Variants in ISLR2 observed in about 807,000 individuals in gnomAD.
ISLR2 encodes immunoglobulin superfamily containing leucine rich repeat 2.
ISLR2 carries 16 observed loss-of-function variants against 25.5 expected under a neutral mutation model. The ratio of observed to expected loss-of-function variants is 0.63; its 90% CI spans 0.43 to 0.95. The LOEUF (loss-of-function observed/expected upper bound fraction) is 0.95. ISLR2 is among the 40% of genes least tolerant of loss of function. ISLR2 has a pLI of 0.00. For missense variants in ISLR2, 883 were observed against 1,030.7 expected (o/e 0.86, Z 1.96); for synonymous variants, 508 against 486.6 (o/e 1.04, Z -0.58).
intron 2 of ISLR2, among the ~76,000 whole-genome samples, chr15:74,105,669 G>A (rs2072113939): frequency 6.6e-6 from 1 of 150,528 alleles, no homozygotes; most frequent in Non-Finnish European, 1.5e-5. Flanking sequence ...ACATCTCTTG[G>A]GCATGGCATG....
upstream of ISLR2, chr15:74,129,783 G>T: frequency 6.6e-6 from 1 of 152,092 alleles, no homozygotes. The surrounding 1 kb of genome is among the most constrained non-coding windows in gnomAD (Gnocchi z 4.5). Flanking sequence ...AGTGCGTGTG[G>T]GGTTGACCGT....
At position 74,134,469 on chromosome 15, in the gene ISLR2, G is replaced by C. The variant is rs752890049; in HGVS notation, c.1715G>C (p.Gly572Ala). 14 of 1,611,306 alleles carry C rather than the reference G, an allele frequency of 8.7e-6. No individual in the cohort carries two copies. Among genetic ancestry groups the C allele is most frequent in the Non-Finnish European group, 8.5e-6 (10 of 1,179,520 alleles). Reference protein sequence around the residue: ...TNYSVCLALAGEACHVQVVFS... With the variant: ...TNYSVCLALAAEACHVQVVFS... ...TACTCCGTGTGCCTGGCGCTGGCGG[G>C]CGAAGCCTGCCACGTGCAAGTGGTG... The change falls in exon 3 of 3, where the codon GGC becomes GCC. Residue 572 changes from glycine to alanine, a missense_variant. Around this residue, in one of 2 missense-constraint regions of ISLR2, gnomAD observed 612 missense variants for 642.8 expected, o/e 0.95. Transcript: ENST00000453268.
At chr15:74,119,034 A>G (rs2072232614) in intron 2 of ISLR2, among the ~76,000 whole-genome samples, 1 of 152,142 alleles carries the variant, frequency 6.6e-6, no homozygotes, top group South Asian at 2.1e-4. Context: ...CATATGTACA[A>G]TGTGTAATGA....
At chr15:74,127,599 C>G (rs976682413), upstream of ISLR2, 2 of 152,330 alleles carry the variant, frequency 1.3e-5, no homozygotes, top group African/African-American at 4.8e-5. Context: ...GACTGCAGAG[C>G]CGTGAGCAGC....
intron 2 of ISLR2, among the ~76,000 whole-genome samples, chr15:74,123,007 G>A (rs1013566168): frequency 6.6e-6 from 1 of 152,220 alleles, no homozygotes; most frequent in Non-Finnish European, 1.5e-5. Flanking sequence ...AGAGCAGGAA[G>A]GGGTGGCAGC....
downstream of ISLR2, chr15:74,138,655 A>G (rs186493847): frequency 3.9e-5 from 6 of 152,348 alleles, no homozygotes; most frequent in East Asian, 1.2e-3. Context: ...GGGCCAACCA[A>G]GAACTGTCAA....
In ISLR2 at chr15:74,132,616, G is replaced by A. The variant is rs2072447553; in HGVS notation, c.-8-131G>A. 4 of 1,265,772 alleles carry A rather than the reference G, an allele frequency of 3.2e-6. No homozygotes were observed. The African/African-American group carries it at 6.0e-5, about 19-fold the overall frequency. The allele number at this position is 1,265,772 out of a possible 1,614,324, so 78.4% of individuals were successfully genotyped here. A position where few individuals can be genotyped will look rare whatever the true frequency, so the allele number is the denominator to read the frequency against. On this transcript the variant is annotated intron_variant, in intron 2 of 2. Coordinates refer to ENST00000453268, the MANE Select transcript of ISLR2 (RefSeq NM_020851.3). This position sits in a 1 kb window ranked among gnomAD's most constrained non-coding sequence, Gnocchi z 4.3. ...TGACCTTCACTTCAGAGAGGCTCCTGGCCATAGAGGAGGTTACCGGAGCCC... is the reference window on the plus strand; with the variant it reads ...TGACCTTCACTTCAGAGAGGCTCCTAGCCATAGAGGAGGTTACCGGAGCCC...
downstream of ISLR2, among the ~76,000 whole-genome samples, chr15:74,138,048 C>T (rs1356142043): frequency 6.6e-6 from 1 of 152,018 alleles, no homozygotes; most frequent in African/African-American, 2.4e-5. Context: ...GGTGAATTCA[C>T]ATAATGCTTT....
At chr15:74,117,752 G>A (rs976069553) in intron 2 of ISLR2, among the ~76,000 whole-genome samples, 1 of 152,214 alleles carries the variant, frequency 6.6e-6, no homozygotes, top group South Asian at 2.1e-4. Context: ...AATGCCATCA[G>A]TTTGTAGCTA....
intron 2 of ISLR2, among the ~76,000 whole-genome samples, chr15:74,107,389 C>G (rs559951433): frequency 6.6e-6 from 1 of 152,304 alleles, no homozygotes; most frequent in East Asian, 1.9e-4. Context: ...GCAGGCTGGC[C>G]CAGTGTGGGT....
chr15:74,117,698 AG>A (rs1233493003), intron 2 of ISLR2, among the ~76,000 whole-genome samples: 5 of 152,146 alleles, frequency 3.3e-5, no homozygotes, highest in Non-Finnish European at 7.3e-5. Context: ...ACAAAACAAA[AG>A]AAAAAACCAC....
Position 74,134,266 on chromosome 15 carries a change from G to A in ISLR2, c.1512G>A (p.Pro504=), listed in dbSNP as rs747515879. ...GCGAGGCGCGGGTGCAGCTGACTCCGCTGGCTGCGCGCTGGGGCCCTGGGC... is the reference window on the plus strand; with the variant it reads ...GCGAGGCGCGGGTGCAGCTGACTCCACTGGCTGCGCGCTGGGGCCCTGGGC... The part of the protein sequence containing the change: ...AEREARVQLT[P]LAARWGPGPG... Residue 504 remains proline (P), a synonymous_variant, in exon 3 of 3, where the codon CCG becomes CCA. Coordinates refer to ENST00000453268, the MANE Select transcript of ISLR2 (RefSeq NM_020851.3). 3.9e-6 allele frequency: 6 copies of A among 1,558,360 alleles called. No homozygotes were observed. The African/African-American group carries it at 8.1e-5, about 21-fold the overall frequency.
At chr15:74,116,086 ACT>A (rs1242920766) in intron 2 of ISLR2, among the ~76,000 whole-genome samples, 1 of 151,862 alleles carries the variant, frequency 6.6e-6, no homozygotes, top group African/African-American at 2.4e-5. Flanking sequence ...AGTCCCAGCT[ACT>A]CAGGAGGCTG....
chr15:74,115,607 A>C (rs1435835713), intron 2 of ISLR2, among the ~76,000 whole-genome samples: 1 of 152,172 alleles, frequency 6.6e-6, no homozygotes, highest in Non-Finnish European at 1.5e-5. Flanking sequence ...AGACACGAGA[A>C]TCACTTGAAT....
At chr15:74,125,755 C>T (rs557312013), upstream of ISLR2, among the ~76,000 whole-genome samples, 156 of 152,306 alleles carry the variant, frequency 1.0e-3, no homozygotes, top group Non-Finnish European at 1.3e-3. Flanking sequence ...TTAATAATGT[C>T]GAGCTTCATT....
intron 1 of ISLR2, among the ~76,000 whole-genome samples, chr15:74,102,174 C>T (rs1212293875): frequency 3.2e-5 from 3 of 94,256 alleles, no homozygotes; most frequent in Non-Finnish European, 6.2e-5. Flanking sequence ...GCCGAGATTG[C>T]ACCACTGCAT....
downstream of ISLR2, among the ~76,000 whole-genome samples, chr15:74,141,592 A>G (rs993435437): frequency 2.6e-5 from 4 of 152,196 alleles, no homozygotes; most frequent in African/African-American, 9.7e-5. Context: ...ACATTTATTG[A>G]ACTCTTACTA....
Position 74,133,701 on chromosome 15 carries a change from C to CGCTTG in ISLR2, c.949_950insTTGGC (p.Pro317LeufsTer31). 1 of 1,607,948 alleles carries CGCTTG rather than the reference C, an allele frequency of 6.2e-7. No homozygotes were observed. The highest frequency in any genetic ancestry group is 1.7e-5 in the Admixed American group (1 of 58,932). On this transcript the variant is annotated frameshift_variant, in exon 3 of 3. Transcript: ENST00000453268. LOFTEE classifies it high-confidence loss of function. Reference sequence around the variant, plus strand: ...TTGCTGACGCAGACCCAAGCCCAAACGCCGACTCCAGCACCCGCTTGGCCG... The same window carrying CGCTTG: ...TTGCTGACGCAGACCCAAGCCCAAACGCTTGGCCGACTCCAGCACCCGCTTGGCCG...
upstream of ISLR2, among the ~76,000 whole-genome samples, chr15:74,125,033 A>G (rs569446034): frequency 4.8e-4 from 73 of 152,220 alleles, no homozygotes; most frequent in African/African-American, 1.8e-3. Flanking sequence ...CGATGGAAAT[A>G]TTACACATCA....
Sources: gnomAD v4.1 joint callset for allele counts (sites outside exome capture counted in the v4.1 genomes callset) on GRCh38, gnomAD v4.1.1 for gene constraint, gnomAD v4.1.1 regional missense constraint, Gnocchi (gnomAD v3.1) non-coding constraint, MANE v1.5 for transcripts, NCBI Gene and HGNC (gene_info 2026-07-23, HGNC 2026-07-21) for gene names.